NTN1: variants seen among roughly 807,000 people sequenced by gnomAD.
NTN1 encodes the protein netrin 1.
In NTN1, 11 loss-of-function variants were observed where a neutral mutation model predicts 54.2. The ratio of observed to expected loss-of-function variants is 0.20; its 90% confidence interval spans 0.13 to 0.34. The LOEUF (loss-of-function observed/expected upper bound fraction) is 0.34, where lower values mean the gene tolerates loss of function less well. Ranked by LOEUF, NTN1 falls within the 10% of genes least tolerant of loss-of-function variation. The pLI is 1.00. For synonymous variants in NTN1, 371 were observed against 382.0 expected (o/e 0.97, Z 0.33); for missense variants, 740 against 893.1 (o/e 0.83, Z 2.18).
At chr17:9,233,114 G>A (rs1248842325) in intron 6 of NTN1, among the ~76,000 whole-genome samples, 2 of 152,032 alleles carry the variant, frequency 1.3e-5, no homozygotes, top group African/African-American at 4.8e-5. Flanking sequence ...CTTCGGAGGG[G>A]GAAGCTGCTG....
chr17:9,068,671 G>C (rs930487396), intron 2 of NTN1, among the ~76,000 whole-genome samples: 3 of 151,864 alleles, frequency 2.0e-5, no homozygotes, highest in Non-Finnish European at 4.4e-5. Context: ...ACCACACCCA[G>C]CTAATTTTGT....
chr17:9,027,062 C>T (rs1487042437), intron 2 of NTN1, among the ~76,000 whole-genome samples: 1 of 152,074 alleles, frequency 6.6e-6, no homozygotes, highest in Non-Finnish European at 1.5e-5. Flanking sequence ...AGCTCTGGTG[C>T]TTGGGTCCAC....
chr17:9,084,833 A>G lies in NTN1; in HGVS notation c.1018+61442A>G, dbSNP rs547079744. 1.1e-4 allele frequency among the ~76,000 whole-genome samples: 16 copies of G among 151,502 alleles called. No individual in the cohort carries two copies. In the South Asian group the frequency reaches 2.5e-3, roughly 24 times the overall value. On this transcript the variant is annotated intron_variant, in intron 2 of 6. Coordinates refer to ENST00000173229, the MANE Select transcript of NTN1 (RefSeq NM_004822.3). ...TGCCTGGCTATTTTTTTGTATTTTT[A>G]GTAGAGATGGGGTTTCACTGTGTTA...
chr17:9,063,483 T>C (rs1413514251), intron 2 of NTN1, among the ~76,000 whole-genome samples: 4 of 152,182 alleles, frequency 2.6e-5, no homozygotes. Context: ...AAAGTCAGGA[T>C]TCAGTCCATA....
At position 9,211,989 on chromosome 17, in the gene NTN1, C is replaced by T. The variant is rs1905117980; in HGVS notation, c.1412-9179C>T. On this transcript the variant is annotated intron_variant, in intron 5 of 6. Coordinates refer to ENST00000173229, the MANE Select transcript of NTN1 (RefSeq NM_004822.3). The surrounding 1 kb of genome is among the most constrained non-coding windows in gnomAD (Gnocchi z 4.4). Reference sequence around the variant, plus strand: ...CCTTACTTCCATAGGTTGCTAAGCTCCTTGGCCAGTCCATTGCTAGAAGAT... The same window carrying T: ...CCTTACTTCCATAGGTTGCTAAGCTTCTTGGCCAGTCCATTGCTAGAAGAT... Among the ~76,000 whole-genome samples, 1 of 152,220 alleles carries T rather than the reference C, an allele frequency of 6.6e-6. No homozygotes were observed. Among genetic ancestry groups the T allele is most frequent in the Admixed American group, 6.5e-5 (1 of 15,288 alleles).
chr17:9,152,311 C>T (rs1362496148), intron 2 of NTN1, among the ~76,000 whole-genome samples: 1 of 152,180 alleles, frequency 6.6e-6, no homozygotes, highest in Non-Finnish European at 1.5e-5. Flanking sequence ...CACCGCATGC[C>T]CAAAGGTAAA....
At chr17:9,088,580 A>G (rs1010759105) in intron 2 of NTN1, among the ~76,000 whole-genome samples, 4 of 151,980 alleles carry the variant, frequency 2.6e-5, no homozygotes, top group African/African-American at 9.7e-5. Context: ...TCCCACCTCC[A>G]CCCGCTCCTG....
chr17:9,115,808 G>T (rs1171696336), intron 2 of NTN1, among the ~76,000 whole-genome samples: 2 of 152,368 alleles, frequency 1.3e-5, no homozygotes, highest in Non-Finnish European at 2.9e-5. Flanking sequence ...GGTCTTGGCC[G>T]GCCGTGCGCG....
chr17:9,208,254 C>G (rs1045224196), intron 5 of NTN1, among the ~76,000 whole-genome samples: 3 of 152,124 alleles, frequency 2.0e-5, no homozygotes, highest in African/African-American at 7.2e-5. Flanking sequence ...TAAATAAAGC[C>G]TAAGCCCTTT....
the NTN1 span, among the ~76,000 whole-genome samples, chr17:9,015,839 G>C: frequency 1.3e-5 from 2 of 152,164 alleles, no homozygotes; most frequent in Non-Finnish European, 2.9e-5. Context: ...GGGAGGCCAA[G>C]GCGGGCGAAT....
intron 5 of NTN1, among the ~76,000 whole-genome samples, chr17:9,185,699 T>C (rs2092431254): frequency 6.6e-6 from 1 of 152,138 alleles, no homozygotes; most frequent in Non-Finnish European, 1.5e-5. Flanking sequence ...CACCTACTTG[T>C]TGGTTGTAGA....
intron 3 of NTN1, among the ~76,000 whole-genome samples, chr17:9,178,038 T>C (rs2092405643): frequency 6.6e-6 from 1 of 152,022 alleles, no homozygotes. Context: ...CTACTAAAAA[T>C]ACAACAAAAT....
At chr17:9,063,791 G>A (rs540265474) in intron 2 of NTN1, among the ~76,000 whole-genome samples, 46 of 150,788 alleles carry the variant, frequency 3.1e-4, no homozygotes, top group Admixed American at 6.6e-4. Context: ...CTCGTGATCC[G>A]CCCGCCTCGG....
intron 6 of NTN1, among the ~76,000 whole-genome samples, chr17:9,227,598 ACAC>A (rs1362479367): frequency 2.1e-5 from 2 of 97,076 alleles, no homozygotes; most frequent in Non-Finnish European, 4.2e-5. Flanking sequence ...ATGCATACAC[ACAC>A]CATCACACAT....
intron 2 of NTN1, among the ~76,000 whole-genome samples, chr17:9,059,081 T>G: frequency 6.6e-6 from 1 of 152,200 alleles, no homozygotes; most frequent in East Asian, 1.9e-4. Context: ...GAATAGCACC[T>G]GGTACACAGT....
chr17:9,222,703 G>C (rs553964252), intron 6 of NTN1, among the ~76,000 whole-genome samples: 2 of 152,132 alleles, frequency 1.3e-5, no homozygotes, highest in Non-Finnish European at 2.9e-5. Flanking sequence ...CCCCGTGGGG[G>C]TCCGGCAGCC....
chr17:9,038,047 G>A (rs777986258), intron 2 of NTN1, among the ~76,000 whole-genome samples: 3 of 152,114 alleles, frequency 2.0e-5, no homozygotes, highest in African/African-American at 7.2e-5. Context: ...ACAGCTTATA[G>A]CCCTGGTACA....
At chr17:9,057,151 A>G (rs2091982039) in intron 2 of NTN1, among the ~76,000 whole-genome samples, 1 of 145,090 alleles carries the variant, frequency 6.9e-6, no homozygotes, top group Admixed American at 7.0e-5. Context: ...CACCCCGCAG[A>G]GCCCTGTCCT....
At chr17:9,084,216 T>C (rs1160756315) in intron 2 of NTN1, among the ~76,000 whole-genome samples, 1 of 152,160 alleles carries the variant, frequency 6.6e-6, no homozygotes, top group Non-Finnish European at 1.5e-5. Flanking sequence ...TAAGTGATTC[T>C]CCTGCCTCAG....
Sources: gnomAD v4.1 joint callset for allele counts (sites outside exome capture counted in the v4.1 genomes callset) on GRCh38, gnomAD v4.1.1 for gene constraint, Gnocchi (gnomAD v3.1) non-coding constraint, MANE v1.5 for transcripts, NCBI Gene and HGNC (gene_info 2026-07-23, HGNC 2026-07-21) for gene names.